ABI3BP: variants seen among roughly 807,000 people sequenced by gnomAD.
ABI3BP encodes target of Nesh-SH3.
A neutral mutation model predicts 268.6 loss-of-function variants in ABI3BP; 216 were observed. The ratio of observed to expected loss-of-function variants is 0.80; its 90% CI spans 0.72 to 0.90. ABI3BP has a LOEUF of 0.90. Ranked by LOEUF, ABI3BP falls within the 40% of genes least tolerant of loss-of-function variation. The pLI, the probability that ABI3BP is intolerant of heterozygous loss-of-function variation, is 0.00. For synonymous variants in ABI3BP, 730 were observed against 730.0 expected, an observed-to-expected ratio of 1.00 and a Z score of 0.00; for missense variants, 2,090 against 2,182.4, an observed-to-expected ratio of 0.96 and a Z score of 0.84.
intron 20 of ABI3BP, among the ~76,000 whole-genome samples, chr3:100,845,047 A>C (rs1043914360): frequency 6.6e-6 from 1 of 152,180 alleles, no homozygotes; most frequent in Non-Finnish European, 1.5e-5. Context: ...AAATTTGACT[A>C]TTTCCAATTT....
chr3:100,858,789 G>C (rs1239114490), intron 14 of ABI3BP, among the ~76,000 whole-genome samples: 4 of 152,012 alleles, frequency 2.6e-5, no homozygotes, highest in African/African-American at 7.2e-5. Context: ...GATCATGATG[G>C]ATCAAGACAA....
intron 14 of ABI3BP, among the ~76,000 whole-genome samples, chr3:100,858,914 C>T (rs1301629916): frequency 6.6e-6 from 1 of 152,208 alleles, no homozygotes; most frequent in Non-Finnish European, 1.5e-5. Context: ...GGCTTCTCAA[C>T]CAGTCACAGC....
chr3:100,848,984 T>A, intron 17 of ABI3BP, 109 bp from the exon 18 acceptor site: 1 of 874,032 alleles, frequency 1.1e-6, no homozygotes, highest in Non-Finnish European at 1.8e-6. Context: ...TATATTTCCT[T>A]GTATCCTTAG....
chr3:100,956,927 T>C (rs1346934788), intron 1 of ABI3BP, among the ~76,000 whole-genome samples: 1 of 152,090 alleles, frequency 6.6e-6, no homozygotes, highest in African/African-American at 2.4e-5. Flanking sequence ...CAGGAAGAGG[T>C]GAAGCTAGAG....
intron 8 of ABI3BP, 82 bp downstream of exon 8, chr3:100,875,426 A>G (rs1282539471): frequency 9.6e-6 from 10 of 1,036,570 alleles, no homozygotes; most frequent in Non-Finnish European, 1.5e-6. Context: ...AACTACTCAC[A>G]CTGCAAAACT....
At chr3:100,803,771 T>C (rs187569788) in intron 51 of ABI3BP, among the ~76,000 whole-genome samples, 1 of 152,328 alleles carries the variant, frequency 6.6e-6, no homozygotes, top group African/African-American at 2.4e-5. Context: ...GTTTATAATA[T>C]TGGCTATTGT....
chr3:100,753,976 A>G (rs1179335211), intron 64 of ABI3BP, 128 bp from the exon 65 acceptor site: 1 of 977,936 alleles, frequency 1.0e-6, no homozygotes, highest in Non-Finnish European at 1.6e-6. Context: ...CTCTTTTGCT[A>G]AGGATTGAAT....
intron 4 of ABI3BP, among the ~76,000 whole-genome samples, chr3:100,888,018 G>C (rs1387986974): frequency 1.3e-5 from 2 of 152,030 alleles, no homozygotes; most frequent in African/African-American, 2.4e-5. Context: ...GAAGTCAGCA[G>C]GGGGTTTGTA....
chr3:100,785,252 C>G (rs991118), intron 57 of ABI3BP, among the ~76,000 whole-genome samples: 20,487 of 151,940 alleles, frequency 0.13, 1,797 homozygotes, highest in South Asian at 0.27. Context: ...CCATTTAACA[C>G]AAAAATGATG....
In ABI3BP at chr3:100,866,821, T is replaced by C. The variant is rs1408159355; in HGVS notation, c.988+58A>G. On this transcript the variant is annotated intron_variant, in intron 10 of 67. Transcript: ENST00000471714. ...TACTGAAAAAAAGACTGCAGATTAG[T>C]ATTTGAAAAAAAGCATTTTTTCTTT... 5.0e-6 allele frequency: 7 copies of C among 1,413,086 alleles called. No individual in the cohort carries two copies. In the East Asian group the frequency reaches 1.4e-4, roughly 28 times the overall value. 87.5% of individuals were successfully genotyped at this position (1,413,086 alleles called of 1,614,324 possible). A position where few individuals can be genotyped will look rare whatever the true frequency, so the allele number is the denominator to read the frequency against.
At chr3:100,848,728 T>C in intron 18 of ABI3BP, 73 bp downstream of exon 18, 2 of 1,471,318 alleles carry the variant, frequency 1.4e-6, no homozygotes, top group South Asian at 2.3e-5. Context: ...CACCTGGCTA[T>C]CCTTCTTACT....
intron 32 of ABI3BP, among the ~76,000 whole-genome samples, chr3:100,830,222 G>A (rs1252227168): frequency 3.6e-5 from 5 of 139,014 alleles, no homozygotes; most frequent in South Asian, 2.3e-4. Flanking sequence ...ATGTCACACC[G>A]TAATAGCTGT....
chr3:100,885,232 T>C lies in ABI3BP; in HGVS notation c.696+304A>G, dbSNP rs530552631. Among the ~76,000 whole-genome samples, 17 of 152,160 alleles carry C rather than the reference T, an allele frequency of 1.1e-4. No homozygotes were observed. In the South Asian group the frequency reaches 2.1e-3, roughly 19 times the overall value. On this transcript the variant is annotated intron_variant, in intron 6 of 67. Coordinates refer to ENST00000471714, the MANE Select transcript of ABI3BP (RefSeq NM_001375547.2). The stretch of plus-strand genomic sequence containing the variant: ...CATGTATCAATTTGCTCTTGAAACA[T>C]TATATTAAAAAGCAATAGACAGAAG...
chr3:100,754,182 G>C (rs2095493498), intron 64 of ABI3BP, among the ~76,000 whole-genome samples: 1 of 152,178 alleles, frequency 6.6e-6, no homozygotes, highest in African/African-American at 2.4e-5. Context: ...AAGATGCCAT[G>C]AACTACAGTT....
intron 14 of ABI3BP, among the ~76,000 whole-genome samples, chr3:100,858,378 T>G (rs550996747): frequency 1.3e-5 from 2 of 152,322 alleles, no homozygotes; most frequent in Admixed American, 6.5e-5. Context: ...AGAATATATT[T>G]GATGACTACA....
Position 100,749,217 on chromosome 3 carries a change from C to CAA in ABI3BP, c.*1277_*1278insTT, listed in dbSNP as rs1423112774. The CAA allele has an allele frequency of 3.0e-5, 1 of 33,256 alleles. No homozygotes were observed. The highest frequency in any genetic ancestry group is 6.5e-5 in the Non-Finnish European group (1 of 15,284). The allele number at this position is 33,256 out of a possible 1,614,324, so 2.1% of individuals were successfully genotyped here. A position where few individuals can be genotyped will look rare whatever the true frequency, so the allele number is the denominator to read the frequency against. On this transcript the variant is annotated 3_prime_UTR_variant, in exon 68 of 68. Coordinates refer to ENST00000471714, the MANE Select transcript of ABI3BP (RefSeq NM_001375547.2). ...AAGGTTAATTTAGGACATAAACAAA[C>CAA]AGTAGATATAATGGGGGTTGGTAGA...
chr3:100,972,678 C>T (rs2084188520), intron 1 of ABI3BP, among the ~76,000 whole-genome samples: 1 of 152,052 alleles, frequency 6.6e-6, no homozygotes, highest in Non-Finnish European at 1.5e-5. Flanking sequence ...TTTCTTAGCC[C>T]CTGGCTGGGG....
chr3:100,849,807 G>A (rs1351686380), intron 17 of ABI3BP, among the ~76,000 whole-genome samples: 2 of 152,180 alleles, frequency 1.3e-5, no homozygotes, highest in Non-Finnish European at 2.9e-5. Context: ...AAAGTTGAAA[G>A]AAGAGTTGGA....
chr3:100,908,763 C>A lies in ABI3BP; in HGVS notation c.260-6077G>T, dbSNP rs184779088. Among the ~76,000 whole-genome samples, 376 of 152,226 alleles carry A rather than the reference C, an allele frequency of 2.5e-3. 1 individual carries two copies. Among genetic ancestry groups the A allele is most frequent in the African/African-American group, 8.6e-3 (357 of 41,536 alleles). On this transcript the variant is annotated intron_variant, in intron 2 of 67. Transcript: ENST00000471714. ...CTGCTCAAGGAAATAGGAGAGGACA[C>A]AAACAAATGGAAAAACATTCCATGC...
Sources: allele counts gnomAD v4.1 joint callset (sites outside exome capture counted in the v4.1 genomes callset), GRCh38; gene constraint gnomAD v4.1.1; transcripts MANE v1.5; gene names NCBI Gene and HGNC (gene_info 2026-07-23, HGNC 2026-07-21).